The following LAMA3 variants were observed in gnomAD, a reference collection of about 807,000 sequenced individuals.
LAMA3 encodes laminin subunit alpha 3.
LAMA3 carries 281 observed loss-of-function variants against 402.0 expected under a neutral mutation model. The observed-to-expected ratio is 0.70, with a 90% CI of 0.63 to 0.77. The LOEUF (loss-of-function observed/expected upper bound fraction) is 0.77, where lower values mean the gene tolerates loss of function less well. Ranked by LOEUF, LAMA3 falls within the 30% of genes least tolerant of loss-of-function variation. The probability of loss-of-function intolerance (pLI) is 0.00; values close to 1 mark genes in which losing one functional copy is unlikely to be tolerated. For missense variants in LAMA3, 3,840 were observed against 4,215.5 expected (o/e 0.91, Z 2.47); for synonymous variants, 1,431 against 1,558.4 (o/e 0.92, Z 1.93).
At chr18:23,844,942 A>G (rs576310625) in intron 29 of LAMA3, 67 bp from the exon 30 acceptor site, 14 of 928,544 alleles carry the variant, frequency 1.5e-5, no homozygotes, top group South Asian at 1.2e-4. Context: ...CTCAACCTGT[A>G]TAATAAGTAG....
rs111647643 is a variant in LAMA3 at position 23,867,860 on chromosome 18, G to A, written c.4710G>A (p.Glu1570=). The A allele has an allele frequency of 5.0e-6, 8 of 1,613,988 alleles. No individual in the cohort carries two copies. The highest frequency in any genetic ancestry group is 4.0e-5 in the African/African-American group (3 of 75,014). The change falls in exon 37 of 75, where the codon GAG becomes GAA. Residue 1570 remains glutamate (E), a synonymous_variant. Transcript: ENST00000313654. ...LTGQHMSIIY[E]ETNTPRPDRL... ...GTCAGCACATGTCCATCATCTATGA[G>A]GAGACAAACACCCCACGGCCAGACC...
chr18:23,819,913 T>C lies in LAMA3; in HGVS notation c.2220T>C (p.Asn740=). 1 of 1,614,128 alleles carries C rather than the reference T, an allele frequency of 6.2e-7. No individual in the cohort carries two copies. The highest frequency in any genetic ancestry group is 8.5e-7 in the Non-Finnish European group (1 of 1,179,986). The part of the protein sequence containing the change: ...KYEIEDGSTP[N]GRDLRFGFDP... Reference sequence around the variant, plus strand: ...AGATTGAAGACGGCAGCACACCTAATGGGAGAGACCTTCGATTTGGATTTG... The same window carrying C: ...AGATTGAAGACGGCAGCACACCTAACGGGAGAGACCTTCGATTTGGATTTG... The change falls in exon 19 of 75, where the codon AAT becomes AAC. Residue 740 remains asparagine (N), a synonymous_variant. Transcript: ENST00000313654.
chr18:23,855,554 G>C (rs1245537970), intron 32 of LAMA3, among the ~76,000 whole-genome samples: 2 of 152,196 alleles, frequency 1.3e-5, no homozygotes, highest in African/African-American at 4.8e-5. Context: ...AGGGTCACAA[G>C]AAGAGAGCAG....
At position 23,773,530 on chromosome 18, in the gene LAMA3, G is replaced by A. The variant is rs1454045821; in HGVS notation, c.1216G>A (p.Ala406Thr). ...NTAGVNCEQC[A>T]KGYYRPYGVP... ...AGCTGGAGTAAACTGTGAACAGTGT[G>A]CTAAGGGCTATTACCGCCCTTATGG... Residue 406 changes from alanine (A) to threonine (T), a missense_variant, in exon 9 of 75, where the codon GCT becomes ACT. This residue lies in a region of LAMA3 where 2,109 missense variants were observed against 2,376.0 expected (regional missense o/e 0.89). Transcript: ENST00000313654. 2 of 1,599,970 alleles carry A rather than the reference G, an allele frequency of 1.3e-6. No individual in the cohort carries two copies. Among genetic ancestry groups the A allele is most frequent in the Non-Finnish European group, 1.7e-6 (2 of 1,171,380 alleles).
chr18:23,815,986 C>A (rs1042676983), intron 17 of LAMA3, among the ~76,000 whole-genome samples: 7 of 152,148 alleles, frequency 4.6e-5, no homozygotes, highest in Non-Finnish European at 1.0e-4. Context: ...TCTCGCTCGG[C>A]CCCTGGTTAT....
intron 2 of LAMA3, among the ~76,000 whole-genome samples, chr18:23,730,372 T>C (rs918397211): frequency 3.4e-4 from 50 of 148,064 alleles, no homozygotes; most frequent in African/African-American, 8.4e-4. Context: ...TTCTTTCTTT[T>C]TTTTTTTTTT....
intron 41 of LAMA3, among the ~76,000 whole-genome samples, chr18:23,887,361 A>T (rs974627889): frequency 6.6e-6 from 1 of 152,156 alleles, no homozygotes; most frequent in Non-Finnish European, 1.5e-5. Flanking sequence ...CAGGGGACCA[A>T]CACCTGGGAG....
intron 13 of LAMA3, 58 bp from the exon 14 acceptor site, chr18:23,812,999 C>T (rs1339348792): frequency 1.7e-6 from 2 of 1,200,548 alleles, no homozygotes; most frequent in Non-Finnish European, 2.5e-6. Context: ...CTTGAAACAT[C>T]AAAACAAAGA....
rs1176221035 is a variant in LAMA3 at position 23,836,977 on chromosome 18, G to A, written c.2985-4G>A. Reference sequence around the variant, plus strand: ...GGCTAAGAAAACTCTGTTTTCTCTTGCAGTGTTCTCTGCCGGAGTGCTGTG... The same window carrying A: ...GGCTAAGAAAACTCTGTTTTCTCTTACAGTGTTCTCTGCCGGAGTGCTGTG... On this transcript the variant is annotated splice_polypyrimidine_tract_variant and splice_region_variant and intron_variant, in intron 24 of 74. Coordinates refer to ENST00000313654, the MANE Select transcript of LAMA3 (RefSeq NM_198129.4). 2 of 1,610,870 alleles carry A rather than the reference G, an allele frequency of 1.2e-6. No individual in the cohort carries two copies. Among genetic ancestry groups the A allele is most frequent in the Admixed American group, 1.7e-5 (1 of 60,024 alleles).
intron 1 of LAMA3, among the ~76,000 whole-genome samples, chr18:23,696,258 G>A (rs2060684393): frequency 6.6e-6 from 1 of 152,134 alleles, no homozygotes. Context: ...TGAGGACTTA[G>A]CATTTACTGT....
Position 23,861,708 on chromosome 18 carries a change from C to A in LAMA3, c.4485C>A (p.Phe1495Leu), listed in dbSNP as rs766387192. The A allele has an allele frequency of 6.2e-7, 1 of 1,614,184 alleles. No individual in the cohort carries two copies. Among genetic ancestry groups the A allele is most frequent in the Non-Finnish European group, 8.5e-7 (1 of 1,180,044 alleles). ...TADRVDIPVS[F>L]NPGSNSMVAD... is the part of the protein sequence containing the mutation. ...ACAGAGTGGACATCCCTGTCTCTTT[C>A]AACCCAGGCAGCAACAGTATGGTGG... The change falls in exon 35 of 75, where the codon TTC becomes TTA. Residue 1495 changes from phenylalanine to leucine, a missense_variant. This residue lies in a region of LAMA3 where 2,109 missense variants were observed against 2,376.0 expected (regional missense o/e 0.89). Transcript: ENST00000313654.
chr18:23,781,140 C>T (rs2062428823), intron 11 of LAMA3: 1 of 310,940 alleles, frequency 3.2e-6, no homozygotes. Flanking sequence ...GCCTCAATGC[C>T]AAGGTAAAGT....
chr18:23,907,005 G>A (rs990194549), intron 52 of LAMA3, among the ~76,000 whole-genome samples: 2 of 152,094 alleles, frequency 1.3e-5, no homozygotes, highest in African/African-American at 4.8e-5. Context: ...GTGTCATTTT[G>A]GAAATTAACA....
At chr18:23,816,587 A>G in intron 18 of LAMA3, 100 bp downstream of exon 18, 10 of 984,900 alleles carry the variant, frequency 1.0e-5, no homozygotes, top group Admixed American at 3.9e-5. Flanking sequence ...AAGCAGCCCT[A>G]AAGATCGAGG....
intron 64 of LAMA3, among the ~76,000 whole-genome samples, chr18:23,929,390 A>T (rs928203597): frequency 6.6e-6 from 1 of 152,246 alleles, no homozygotes; most frequent in Non-Finnish European, 1.5e-5. Context: ...AATGAGTGGA[A>T]TTTTTAAATA....
chr18:23,922,053 C>T (rs2081860495), intron 62 of LAMA3, among the ~76,000 whole-genome samples: 2 of 152,128 alleles, frequency 1.3e-5, no homozygotes, highest in Admixed American at 6.6e-5. Flanking sequence ...TACATGCTAT[C>T]GAGCGTGGAA....
rs747119230 is a variant in LAMA3 at position 23,939,364 on chromosome 18, C to T, written c.9004C>T (p.Pro3002Ser). The T allele has an allele frequency of 6.2e-7, 1 of 1,614,210 alleles. No homozygotes were observed. The highest frequency in any genetic ancestry group is 8.5e-7 in the Non-Finnish European group (1 of 1,180,034). ...IPTSHLLFKL[P>S]QELLKPRSQF... is the part of the protein sequence containing the mutation. ...CACCAGCCACTTGCTATTCAAGCTT[C>T]CTCAGGAGCTGCTGAAACCCAGGTA... The change falls in exon 68 of 75, where the codon CCT becomes TCT. Residue 3002 changes from proline to serine, a missense_variant. By Grantham distance (74) the Pro-to-Ser change is moderately conservative. Around this residue, in one of 3 missense-constraint regions of LAMA3, gnomAD observed 840 missense variants for 981.9 expected, o/e 0.86. Coordinates refer to ENST00000313654, the MANE Select transcript of LAMA3 (RefSeq NM_198129.4).
At chr18:23,786,563 A>G (rs1028279967) in intron 12 of LAMA3, among the ~76,000 whole-genome samples, 4 of 152,176 alleles carry the variant, frequency 2.6e-5, no homozygotes, top group Non-Finnish European at 4.4e-5. Context: ...CCATGGCGCC[A>G]CCTCCACCTG....
At chr18:23,947,527 C>T (rs2082749688) in intron 70 of LAMA3, among the ~76,000 whole-genome samples, 1 of 152,132 alleles carries the variant, frequency 6.6e-6, no homozygotes, top group South Asian at 2.1e-4. Flanking sequence ...GCTTAGGCTG[C>T]CCTAGCCTTG....
Sources: allele counts gnomAD v4.1 joint callset (sites outside exome capture counted in the v4.1 genomes callset), GRCh38; gene constraint gnomAD v4.1.1; regional missense constraint gnomAD v4.1.1; transcripts MANE v1.5; gene names NCBI Gene and HGNC (gene_info 2026-07-23, HGNC 2026-07-21).